Variants in NOL4 observed in about 807,000 individuals in gnomAD.
The protein encoded by NOL4 is nucleolar protein 4.
In NOL4, 17 loss-of-function variants were observed where a neutral mutation model predicts 75.9. That is an observed-to-expected ratio of 0.22 (90% CI 0.15 to 0.34). NOL4 has a LOEUF of 0.34. NOL4 is among the 10% of genes least tolerant of loss of function. The pLI, the probability that NOL4 is intolerant of heterozygous loss-of-function variation, is 1.00. For synonymous variants in NOL4, 292 were observed against 289.9 expected (o/e 1.01, Z -0.07); for missense variants, 614 against 793.5 (o/e 0.77, Z 2.72).
chr18:34,138,719 T>C (rs1282464162), intron 1 of NOL4, among the ~76,000 whole-genome samples: 3 of 152,184 alleles, frequency 2.0e-5, no homozygotes, highest in Non-Finnish European at 4.4e-5. Flanking sequence ...CTATGTTGAA[T>C]AGGAGTGGTG....
chr18:34,141,187 CACAA>C (rs1175981355), intron 1 of NOL4, among the ~76,000 whole-genome samples: 1 of 151,846 alleles, frequency 6.6e-6, no homozygotes, highest in Non-Finnish European at 1.5e-5. Context: ...TAAAAGAGGA[CACAA>C]ACAAATGGAA....
chr18:33,986,842 T>C (rs971536854), intron 6 of NOL4, among the ~76,000 whole-genome samples: 2 of 152,120 alleles, frequency 1.3e-5, no homozygotes, highest in African/African-American at 2.4e-5. Flanking sequence ...TTATTTATAA[T>C]TGCAAAAAAA....
chr18:33,994,320 T>C (rs769584460), intron 6 of NOL4, among the ~76,000 whole-genome samples: 21 of 151,734 alleles, frequency 1.4e-4, no homozygotes, highest in Non-Finnish European at 2.8e-4. Context: ...TAATGGACAT[T>C]GATAGAACAT....
intron 5 of NOL4, 84 bp downstream of exon 5, chr18:34,093,381 A>T (rs2078616879): frequency 7.5e-7 from 1 of 1,333,710 alleles, no homozygotes; most frequent in Admixed American, 2.5e-5. Flanking sequence ...TGACACAAGA[A>T]TTAAGAGGTA....
intron 1 of NOL4, among the ~76,000 whole-genome samples, chr18:34,215,943 T>C (rs1336020679): frequency 3.3e-5 from 5 of 152,224 alleles, no homozygotes; most frequent in Non-Finnish European, 7.4e-5. Flanking sequence ...AGATTTTTTA[T>C]ATTTCTAGAT....
intron 9 of NOL4, among the ~76,000 whole-genome samples, chr18:33,937,996 G>A (rs2068182434): frequency 1.3e-5 from 2 of 152,070 alleles, no homozygotes; most frequent in South Asian, 4.1e-4. Context: ...AACCTTGTAA[G>A]CAGAGGCACA....
chr18:33,899,018 T>C (rs747144132), intron 9 of NOL4, among the ~76,000 whole-genome samples: 8 of 152,190 alleles, frequency 5.3e-5, no homozygotes, highest in Non-Finnish European at 1.2e-4. Flanking sequence ...TAAATACTTT[T>C]GCTTATCTGT....
At chr18:34,029,670 C>A (rs1346924874) in intron 5 of NOL4, among the ~76,000 whole-genome samples, 2 of 152,144 alleles carry the variant, frequency 1.3e-5, no homozygotes, top group Non-Finnish European at 2.9e-5. Context: ...TGCGAGGAAA[C>A]CATGCCATAC....
Position 34,001,297 on chromosome 18 carries a change from C to T in NOL4, c.1056+18021G>A, listed in dbSNP as rs149375994. 5.3e-5 allele frequency among the ~76,000 whole-genome samples: 8 copies of T among 152,228 alleles called. No individual in the cohort carries two copies. In the East Asian group the frequency reaches 5.8e-4, roughly 11 times the overall value. ...TAATTTTTTAGCGCTGCAAATAATG[C>T]GAACTACATTTCCTAATCACGGACT... On this transcript the variant is annotated intron_variant, in intron 6 of 10. Coordinates refer to ENST00000261592, the MANE Select transcript of NOL4 (RefSeq NM_003787.5).
chr18:34,195,603 G>T (rs1414184689), intron 1 of NOL4, among the ~76,000 whole-genome samples: 6 of 146,330 alleles, frequency 4.1e-5, no homozygotes, highest in Non-Finnish European at 9.0e-5. Flanking sequence ...AAGTTTCAAG[G>T]TTTGTAATGC....
intron 9 of NOL4, among the ~76,000 whole-genome samples, chr18:33,924,446 T>C (rs2067213106): frequency 6.6e-6 from 1 of 152,218 alleles, no homozygotes; most frequent in Non-Finnish European, 1.5e-5. Context: ...TACCTCTCTA[T>C]TGGGCCATCT....
At chr18:34,064,268 G>A (rs1179549524) in intron 5 of NOL4, among the ~76,000 whole-genome samples, 1 of 151,988 alleles carries the variant, frequency 6.6e-6, no homozygotes, top group Non-Finnish European at 1.5e-5. Flanking sequence ...GAAATTTAAT[G>A]AAGCAGGTCA....
intron 9 of NOL4, among the ~76,000 whole-genome samples, chr18:33,911,459 G>T (rs1189799710): frequency 6.6e-6 from 1 of 151,922 alleles, no homozygotes; most frequent in East Asian, 1.9e-4. Context: ...TATTTAAAAA[G>T]AAAACTCTGA....
chr18:34,027,324 G>T (rs752005734), intron 5 of NOL4, among the ~76,000 whole-genome samples: 1 of 152,128 alleles, frequency 6.6e-6, no homozygotes, highest in Non-Finnish European at 1.5e-5. Context: ...GGAATCATGG[G>T]ATTAGCAATA....
chr18:34,145,546 A>G (rs1479346885), intron 1 of NOL4, among the ~76,000 whole-genome samples: 2 of 151,834 alleles, frequency 1.3e-5, no homozygotes, highest in Non-Finnish European at 2.9e-5. Context: ...TCTGTAAATA[A>G]TCTAATTTTC....
chr18:34,179,098 AAAG>A (rs1441469160), intron 1 of NOL4, among the ~76,000 whole-genome samples: 2 of 151,668 alleles, frequency 1.3e-5, no homozygotes, highest in Admixed American at 6.6e-5. Context: ...CTAATGAGTC[AAAG>A]AAGAAGTCAT....
At chr18:33,916,756 A>G (rs2066744546) in intron 9 of NOL4, among the ~76,000 whole-genome samples, 1 of 152,200 alleles carries the variant, frequency 6.6e-6, no homozygotes, top group African/African-American at 2.4e-5. Context: ...CTAGTACTAA[A>G]TGTATCTATG....
chr18:33,907,054 T>C (rs1201945712), intron 9 of NOL4, among the ~76,000 whole-genome samples: 2 of 152,136 alleles, frequency 1.3e-5, no homozygotes, highest in African/African-American at 4.8e-5. Flanking sequence ...CAAGGCACGG[T>C]GGCTCACGCC....
chr18:34,200,114 G>T (rs1406219007), intron 1 of NOL4, among the ~76,000 whole-genome samples: 38 of 151,936 alleles, frequency 2.5e-4, no homozygotes, highest in Non-Finnish European at 4.4e-5. Context: ...AGTTGACAGA[G>T]AAATAAACAT....
Sources: allele counts gnomAD v4.1 joint callset (sites outside exome capture counted in the v4.1 genomes callset), GRCh38; gene constraint gnomAD v4.1.1; transcripts MANE v1.5; gene names NCBI Gene and HGNC (gene_info 2026-07-23, HGNC 2026-07-21).